The following LTBP3 variants were observed in gnomAD, a reference collection of about 807,000 sequenced individuals.
LTBP3 encodes latent transforming growth factor beta binding protein 3.
A neutral mutation model predicts 159.7 loss-of-function variants in LTBP3; 97 were observed. The ratio of observed to expected loss-of-function variants is 0.61; its 90% confidence interval spans 0.52 to 0.72. The LOEUF is 0.72. Ranked by LOEUF, LTBP3 falls within the 30% of genes least tolerant of loss-of-function variation. The pLI, the probability that LTBP3 is intolerant of heterozygous loss-of-function variation, is 0.00. For missense variants in LTBP3, 1,584 were observed against 1,864.3 expected (o/e 0.85, Z 2.77); for synonymous variants, 824 against 777.1 (o/e 1.06, Z -1.00).
At position 65,547,734 on chromosome 11, in the gene LTBP3, C is replaced by CGGTTGCAGTGGCAATTGTAGGAGCCG; in HGVS notation, c.1908_1933dup (p.Arg645ProfsTer26). ...GGCGCCCACGTGCAGGCGGTAGCCG[C>CGGTTGCAGTGGCAATTGTAGGAGCCG]GGTTGCAGTGGCAATTGTAGGAGCC... On this transcript the variant is annotated frameshift_variant, in exon 13 of 28. Transcript: ENST00000301873. LOFTEE classifies it high-confidence loss of function. This position sits in a 1 kb window ranked among gnomAD's most constrained non-coding sequence, Gnocchi z 4.6. The CGGTTGCAGTGGCAATTGTAGGAGCCG allele has an allele frequency of 6.2e-7, 1 of 1,607,542 alleles. No homozygotes were observed. The highest frequency in any genetic ancestry group is 8.5e-7 in the Non-Finnish European group (1 of 1,177,896).
intron 22 of LTBP3, 46 bp from the exon 23 acceptor site, chr11:65,540,428 G>A: frequency 5.0e-6 from 8 of 1,608,898 alleles, no homozygotes; most frequent in Admixed American, 1.7e-5. Context: ...CCCGGGATGG[G>A]CGCGGTGGCG....
intron 8 of LTBP3, 83 bp downstream of exon 8, chr11:65,551,889 A>T (rs2135153355): frequency 6.9e-7 from 1 of 1,458,840 alleles, no homozygotes; most frequent in Non-Finnish European, 9.6e-7. Context: ...TTAGACTGTG[A>T]GGTCAGATCT....
At chr11:65,540,783 C>A (rs1856093420) in intron 21 of LTBP3, 88 bp downstream of exon 21, 1 of 1,453,868 alleles carries the variant, frequency 6.9e-7, no homozygotes, top group Admixed American at 2.0e-5. Flanking sequence ...CCGGCGCGGG[C>A]AGCTGACCCA....
In LTBP3 at chr11:65,553,411, G is replaced by A. The variant is rs1856684901; in HGVS notation, c.970+14C>T. The A allele has an allele frequency of 6.2e-7, 1 of 1,607,296 alleles. No homozygotes were observed. The highest frequency in any genetic ancestry group is 8.5e-7 in the Non-Finnish European group (1 of 1,175,990). On this transcript the variant is annotated intron_variant, in intron 4 of 27. Transcript: ENST00000301873. The surrounding 1 kb of genome is among the most constrained non-coding windows in gnomAD (Gnocchi z 6.5). ...CCACCAGATAGGGAACGCCCCCTGA[G>A]CCCAAGCACTCACACTGCAGCTGGG...
Position 65,539,531 on chromosome 11 carries a change from G to T in LTBP3, c.3628+17C>A. ...AAGGCTACCAACCCCGCCACCGCCC[G>T]ACCCGGCAGCACTCACCTCTTGGGG... On this transcript the variant is annotated intron_variant, in intron 26 of 27. Transcript: ENST00000301873. 1 of 1,610,828 alleles carries T rather than the reference G, an allele frequency of 6.2e-7. No homozygotes were observed. Among genetic ancestry groups the T allele is most frequent in the Non-Finnish European group, 8.5e-7 (1 of 1,178,578 alleles).
At chr11:65,541,845 A>G (rs1856150930) in intron 18 of LTBP3, 117 bp from the exon 19 acceptor site, 1 of 1,208,158 alleles carries the variant, frequency 8.3e-7, no homozygotes, top group African/African-American at 1.5e-5. Flanking sequence ...AAGTATGTAC[A>G]GCAGGAAGTC....
In LTBP3 at chr11:65,539,897, G is replaced by C. The variant is rs1000626384; in HGVS notation, c.3386-16C>G. On this transcript the variant is annotated splice_polypyrimidine_tract_variant and intron_variant, in intron 24 of 27. Transcript: ENST00000301873. ...GGGGCACGCTCTGCGGAAGACACCT[G>C]GCATCAGGGGAGGGGCCCAAGGCAG... 10 of 1,505,834 alleles carry C rather than the reference G, an allele frequency of 6.6e-6. No homozygotes were observed. The highest frequency in any genetic ancestry group is 6.4e-5 in the Admixed American group (3 of 46,702). 93.3% of individuals were successfully genotyped at this position (1,505,834 alleles called of 1,614,324 possible).
At chr11:65,539,258 T>G in intron 27 of LTBP3, 27 bp from the exon 28 acceptor site, 2 of 1,521,178 alleles carry the variant, frequency 1.3e-6, no homozygotes, top group Non-Finnish European at 1.8e-6. Context: ...CAGGTGCGGC[T>G]TCGCTGAGCC....
chr11:65,540,433 G>C, intron 22 of LTBP3, 51 bp from the exon 23 acceptor site: 1 of 1,609,582 alleles, frequency 6.2e-7, no homozygotes. Context: ...GATGGGCGCG[G>C]TGGCGCGTGT....
At position 65,546,287 on chromosome 11, in the gene LTBP3, T is replaced by C; in HGVS notation, c.2353+155A>G. The C allele has an allele frequency of 9.9e-7, 1 of 1,014,926 alleles. No homozygotes were observed. The highest frequency in any genetic ancestry group is 1.4e-6 in the Non-Finnish European group (1 of 726,804). 62.9% of individuals were successfully genotyped at this position (1,014,926 alleles called of 1,614,324 possible). A position where few individuals can be genotyped will look rare whatever the true frequency, so the allele number is the denominator to read the frequency against. On this transcript the variant is annotated intron_variant, in intron 16 of 27. Transcript: ENST00000301873. The surrounding 1 kb of genome is among the most constrained non-coding windows in gnomAD (Gnocchi z 4.0). Reference sequence around the variant, plus strand: ...CCTACGTGGAAATTCTAGTGGTGCCTTCCTTGGCAAAGTTCGTTGAGAAAA... The same window carrying C: ...CCTACGTGGAAATTCTAGTGGTGCCCTCCTTGGCAAAGTTCGTTGAGAAAA...
Position 65,554,347 on chromosome 11 carries a change from T to C in LTBP3, c.365A>G (p.Gln122Arg). 6.2e-7 allele frequency: 1 copy of C among 1,612,220 alleles called. No homozygotes were observed. The highest frequency in any genetic ancestry group is 8.5e-7 in the Non-Finnish European group (1 of 1,179,726). ...CAGGCACTGGTTTCGCGAGGAGCAC[T>C]GGCCGCCATTCATGCAGGGGAGAGG... ...VCPLPCMNGG[Q>R]CSSRNQCLCP... The change falls in exon 2 of 28, where the codon CAG becomes CGG. Residue 122 changes from glutamine to arginine, a missense_variant. Transcript: ENST00000301873. The surrounding 1 kb of genome is among the most constrained non-coding windows in gnomAD (Gnocchi z 5.3).
At chr11:65,551,602 C>A in intron 8 of LTBP3, 38 bp from the exon 9 acceptor site, 2 of 1,613,642 alleles carry the variant, frequency 1.2e-6, no homozygotes, top group Non-Finnish European at 1.7e-6. Flanking sequence ...AGTGTTGGGG[C>A]GGGAGAAGGG....
intron 11 of LTBP3, chr11:65,548,270 C>T (rs1258361579): frequency 4.5e-6 from 3 of 659,974 alleles, no homozygotes; most frequent in Non-Finnish European, 5.3e-6. Context: ...TCACCCCACA[C>T]CCAGGCCCGG....
rs747740488 is a variant in LTBP3, at chr11:65,553,243, C to G, written c.984G>C (p.Gln328His). The G allele has an allele frequency of 6.2e-7, 1 of 1,614,042 alleles. No individual in the cohort carries two copies. The highest frequency in any genetic ancestry group is 2.2e-5 in the East Asian group (1 of 44,890). The change falls in exon 5 of 28, where the codon CAG (glutamine) becomes CAC (histidine). Residue 328 changes from glutamine (Q) to histidine (H), a missense_variant. Physicochemically the swap from Gln to His is conservative, Grantham distance 24 (BLOSUM62 0). Transcript: ENST00000301873. The surrounding 1 kb of genome is among the most constrained non-coding windows in gnomAD (Gnocchi z 6.5). ...KCPQLQYTGV[Q>H]KPGPVRGEVG... ...CTTCCCCACGTACAGGCCCTGGCTT[C>G]TGCACTCCTGTGTCTGCAGAGAGAG...
intron 21 of LTBP3, 112 bp downstream of exon 21, chr11:65,540,759 C>T (rs890854745): frequency 4.4e-6 from 5 of 1,125,618 alleles, no homozygotes; most frequent in African/African-American, 4.4e-5. Context: ...GAGGAAGGTG[C>T]GGGCGGGGCT....
chr11:65,547,849 G>A lies in LTBP3; in HGVS notation c.1847-28C>T. On this transcript the variant is annotated intron_variant, in intron 12 of 27. Transcript: ENST00000301873. This position sits in a 1 kb window ranked among gnomAD's most constrained non-coding sequence, Gnocchi z 4.6. ...GAGAAGAACGGGTAGGCCAAGAAAA[G>A]TCAAAGGAAGCGTCGTTATCTGGGG... 1 of 1,613,264 alleles carries A rather than the reference G, an allele frequency of 6.2e-7. No individual in the cohort carries two copies. The highest frequency in any genetic ancestry group is 1.1e-5 in the South Asian group (1 of 91,090).
rs866766829 is a variant in LTBP3 at position 65,553,874 on chromosome 11, G to A, written c.691C>T (p.Arg231Cys). 1.3e-6 allele frequency: 2 copies of A among 1,556,276 alleles called. No individual in the cohort carries two copies. Among genetic ancestry groups the A allele is most frequent in the African/African-American group, 1.4e-5 (1 of 73,998 alleles). ...GAGGCCTCGGGCGGGTGATGGACGC[G>A]CACATTCACCACGGGGGGCGGGGCC... ...VQAPPPVVNV[R>C]VHHPPEASVQ... The change falls in exon 3 of 28, where the codon CGC (arginine) becomes TGC (cysteine). Residue 231 changes from arginine to cysteine, a missense_variant. Around this residue, in one of 6 missense-constraint regions of LTBP3, gnomAD observed 194 missense variants for 198.7 expected, o/e 0.98. Transcript: ENST00000301873. The surrounding 1 kb of genome is among the most constrained non-coding windows in gnomAD (Gnocchi z 6.5).
intron 11 of LTBP3, among the ~76,000 whole-genome samples, chr11:65,550,642 G>A (rs1410096066): frequency 7.9e-6 from 1 of 126,650 alleles, no homozygotes; most frequent in Non-Finnish European, 1.7e-5. Flanking sequence ...TGGCCAACAT[G>A]GTGAAACCCC....
rs1475503959 is a variant in LTBP3, at chr11:65,540,395, A to AAAGCGTGGG, written c.3107-22_3107-14dup. 1.2e-6 allele frequency: 2 copies of AAAGCGTGGG among 1,603,936 alleles called. No individual in the cohort carries two copies. The highest frequency in any genetic ancestry group is 2.2e-5 in the East Asian group (1 of 44,470). On this transcript the variant is annotated splice_polypyrimidine_tract_variant and intron_variant, in intron 22 of 27. Coordinates refer to ENST00000301873, the MANE Select transcript of LTBP3 (RefSeq NM_001130144.3). ...CACTCGTCCACGTCTGCAGGGAGGA[A>AAAGCGTGGG]AAGCGTGGGTAGCAGGGGCAGGCCC...
Sources: allele counts gnomAD v4.1 joint callset (sites outside exome capture counted in the v4.1 genomes callset), GRCh38; gene constraint gnomAD v4.1.1; regional missense constraint gnomAD v4.1.1; non-coding constraint Gnocchi (gnomAD v3.1); transcripts MANE v1.5; gene names NCBI Gene and HGNC (gene_info 2026-07-23, HGNC 2026-07-21).